The following ZNF618 variants were observed in gnomAD, a reference collection of about 807,000 sequenced individuals.
ZNF618 encodes zinc finger protein 618.
Under a neutral mutation model 103.0 loss-of-function variants are expected in ZNF618, and 34 were observed. The observed-to-expected ratio is 0.33, with a 90% confidence interval of 0.25 to 0.44. ZNF618 has a LOEUF of 0.44. Ranked by LOEUF, ZNF618 falls within the 20% of genes least tolerant of loss-of-function variation. The pLI, the probability that ZNF618 is intolerant of heterozygous loss-of-function variation, is 1.00. For missense variants in ZNF618, 1,059 were observed against 1,295.4 expected (o/e 0.82, Z 2.80); for synonymous variants, 551 against 542.2 (o/e 1.02, Z -0.23).
At chr9:114,000,815 G>A (rs1268632107) in intron 4 of ZNF618, among the ~76,000 whole-genome samples, 3 of 152,294 alleles carry the variant, frequency 2.0e-5, no homozygotes, top group Middle Eastern at 6.8e-3. Context: ...TGAGTCATCC[G>A]CATTTTTCCC....
intron 12 of ZNF618, chr9:114,035,288 G>A (rs1415486992): frequency 3.1e-6 from 3 of 981,308 alleles, no homozygotes; most frequent in Non-Finnish European, 3.6e-6. Flanking sequence ...GGCAGGGAAG[G>A]AACTCAGCCA....
intron 1 of ZNF618, among the ~76,000 whole-genome samples, chr9:113,885,750 A>G (rs979816072): frequency 6.6e-6 from 1 of 152,180 alleles, no homozygotes; most frequent in Non-Finnish European, 1.5e-5. Context: ...GAGTTAATGG[A>G]CTAGAAAGTG....
chr9:114,008,419 G>A (rs766126348), intron 8 of ZNF618, 40 bp downstream of exon 8: 21 of 1,613,820 alleles, frequency 1.3e-5, no homozygotes, highest in Admixed American at 5.0e-5. Flanking sequence ...CCCTGTCCCC[G>A]GCTGGGCTCC....
At chr9:113,963,832 A>G (rs373346208) in intron 1 of ZNF618, among the ~76,000 whole-genome samples, 299 of 152,266 alleles carry the variant, frequency 2.0e-3, no homozygotes, top group African/African-American at 6.8e-3. Context: ...CATGTGTGGG[A>G]TGTGGCCTTT....
In ZNF618 at chr9:114,002,080, G is replaced by C; in HGVS notation, c.511+7G>C. 1.2e-6 allele frequency: 2 copies of C among 1,612,048 alleles called. No individual in the cohort carries two copies. Among genetic ancestry groups the C allele is most frequent in the African/African-American group, 2.7e-5 (2 of 75,054 alleles). Reference sequence around the variant, plus strand: ...CACGTGCGGGCGCACCGAGGTGAGAGGAGTGTCCCTGGGGCAGAGCCCAGG... The same window carrying C: ...CACGTGCGGGCGCACCGAGGTGAGACGAGTGTCCCTGGGGCAGAGCCCAGG... On this transcript the variant is annotated splice_region_variant and intron_variant, in intron 5 of 14. Transcript: ENST00000374126.
chr9:113,969,910 C>A (rs1400299500), intron 2 of ZNF618, among the ~76,000 whole-genome samples: 3 of 152,098 alleles, frequency 2.0e-5, no homozygotes, highest in African/African-American at 7.2e-5. Context: ...TGAACACATA[C>A]ATAAAATCTA....
At chr9:113,886,422 T>C (rs1235593805) in intron 1 of ZNF618, among the ~76,000 whole-genome samples, 1 of 152,174 alleles carries the variant, frequency 6.6e-6, no homozygotes, top group Non-Finnish European at 1.5e-5. Context: ...GAAGATGTAG[T>C]CGGGGAACTT....
chr9:113,930,642 C>T (rs1025198656), intron 1 of ZNF618, among the ~76,000 whole-genome samples: 7 of 152,332 alleles, frequency 4.6e-5, no homozygotes, highest in East Asian at 3.9e-4. Context: ...AGTGCAGTAA[C>T]GTACTCACAT....
chr9:113,894,238 G>A (rs1249092880), intron 1 of ZNF618, among the ~76,000 whole-genome samples: 1 of 152,018 alleles, frequency 6.6e-6, no homozygotes, highest in Non-Finnish European at 1.5e-5. Flanking sequence ...AACATAGTTT[G>A]TATTTGGAGG....
chr9:114,041,711 A>G (rs535718148), intron 13 of ZNF618, among the ~76,000 whole-genome samples: 11 of 152,306 alleles, frequency 7.2e-5, no homozygotes, highest in South Asian at 2.1e-4. Context: ...TGCCAGTACC[A>G]TGCTGTTTTG....
In ZNF618 at chr9:113,948,902, G is replaced by A. The variant is rs554784232; in HGVS notation, c.34-20215G>A. ...CTGCACTTACCAGCTTGGTGGGGAAGGTTCCTGCTTTGCTGCATTTTGAAA... is the reference window on the plus strand; with the variant it reads ...CTGCACTTACCAGCTTGGTGGGGAAAGTTCCTGCTTTGCTGCATTTTGAAA... On this transcript the variant is annotated intron_variant, in intron 1 of 14. Transcript: ENST00000374126. Among the ~76,000 whole-genome samples, 8 of 152,350 alleles carry A rather than the reference G, an allele frequency of 5.3e-5. No homozygotes were observed. The East Asian group carries it at 1.5e-3, about 29-fold the overall frequency.
At chr9:114,022,733 AGC>A (rs1165077401) in intron 10 of ZNF618, among the ~76,000 whole-genome samples, 4 of 151,986 alleles carry the variant, frequency 2.6e-5, no homozygotes, top group Non-Finnish European at 5.9e-5. Context: ...CTGAGAGAGA[AGC>A]ATCAAAATTC....
intron 1 of ZNF618, among the ~76,000 whole-genome samples, chr9:113,951,080 G>T (rs1835519449): frequency 1.3e-5 from 2 of 151,464 alleles, no homozygotes; most frequent in Non-Finnish European, 2.9e-5. Flanking sequence ...TTGTTGAATG[G>T]GAGGGGGCTT....
intron 1 of ZNF618, among the ~76,000 whole-genome samples, chr9:113,905,088 C>A (rs1321817642): frequency 2.0e-5 from 3 of 147,714 alleles, no homozygotes; most frequent in African/African-American, 7.6e-5. Flanking sequence ...TTTTTTTTTT[C>A]CAAGACTGCC....
chr9:113,925,110 T>G (rs1451119929), intron 1 of ZNF618, among the ~76,000 whole-genome samples: 2 of 152,106 alleles, frequency 1.3e-5, no homozygotes, highest in Non-Finnish European at 2.9e-5. Flanking sequence ...CAGTTGTTGC[T>G]AGAGGATATT....
intron 1 of ZNF618, among the ~76,000 whole-genome samples, chr9:113,915,542 G>C (rs1489286015): frequency 6.6e-6 from 1 of 152,168 alleles, no homozygotes; most frequent in Non-Finnish European, 1.5e-5. Flanking sequence ...AAAGCCATCC[G>C]AGACTCTAAG....
intron 13 of ZNF618, 50 bp downstream of exon 13, chr9:114,036,427 A>G: frequency 2.0e-6 from 3 of 1,538,260 alleles, no homozygotes; most frequent in Non-Finnish European, 2.6e-6. Flanking sequence ...GTTCCTGCAA[A>G]TTGAAGAGAT....
Position 113,969,162 on chromosome 9 carries a change from T to G in ZNF618, c.77+2T>G, listed in dbSNP as rs1588184458. The G allele has an allele frequency of 6.2e-7, 1 of 1,613,964 alleles. No homozygotes were observed. The highest frequency in any genetic ancestry group is 8.5e-7 in the Non-Finnish European group (1 of 1,179,894). On this transcript the variant is annotated splice_donor_variant, in intron 2 of 14. Coordinates refer to ENST00000374126, the MANE Select transcript of ZNF618 (RefSeq NM_001318042.2). LOFTEE classifies it high-confidence loss of function. Reference sequence around the variant, plus strand: ...CGGAAGGAAAAGCACTGCGAGCAGGTACACTCCCTCTCCCGCCCCCAGCTT... The same window carrying G: ...CGGAAGGAAAAGCACTGCGAGCAGGGACACTCCCTCTCCCGCCCCCAGCTT...
intron 6 of ZNF618, among the ~76,000 whole-genome samples, chr9:114,006,205 TC>T (rs914676516): frequency 5.3e-5 from 8 of 152,220 alleles, no homozygotes; most frequent in African/African-American, 1.7e-4. Flanking sequence ...GTATTTGGGT[TC>T]TGAGGGACAG....
Sources: allele counts gnomAD v4.1 joint callset (sites outside exome capture counted in the v4.1 genomes callset), GRCh38; gene constraint gnomAD v4.1.1; transcripts MANE v1.5; gene names NCBI Gene and HGNC (gene_info 2026-07-23, HGNC 2026-07-21).